Variants in MSRA observed in about 807,000 individuals in gnomAD.
MSRA encodes methionine sulfoxide reductase A, also known as mitochondrial peptide methionine sulfoxide reductase.
In MSRA, 54 loss-of-function variants were observed where a neutral mutation model predicts 31.3. The observed-to-expected ratio is 1.73, with a 90% confidence interval of 1.39 to 2.17. MSRA has a LOEUF of 2.17. Among genes scored for constraint, MSRA ranks in the 30% most tolerant of loss-of-function variants. The probability of loss-of-function intolerance (pLI) is 0.00; values close to 1 mark genes in which losing one functional copy is unlikely to be tolerated. For missense variants in MSRA, 507 were observed against 300.9 expected, an observed-to-expected ratio of 1.69 and a Z score of -5.07; for synonymous variants, 169 against 116.5, an observed-to-expected ratio of 1.45 and a Z score of -2.90.
intron 5 of MSRA, among the ~76,000 whole-genome samples, chr8:10,404,682 C>G (rs565562360): frequency 6.6e-6 from 1 of 152,246 alleles, no homozygotes; most frequent in South Asian, 2.1e-4. Flanking sequence ...GATGTGTACA[C>G]AAACACAGCC....
intron 1 of MSRA, among the ~76,000 whole-genome samples, chr8:10,121,123 G>A (rs1167593495): frequency 6.6e-6 from 1 of 152,212 alleles, no homozygotes; most frequent in Non-Finnish European, 1.5e-5. Context: ...AAAGCTGGCA[G>A]TAAGGATGAT....
At chr8:10,091,746 A>G (rs1798868299) in intron 1 of MSRA, among the ~76,000 whole-genome samples, 1 of 151,894 alleles carries the variant, frequency 6.6e-6, no homozygotes, top group African/African-American at 2.4e-5. Context: ...AGCTGGGATT[A>G]AAGATGCGTG....
Position 10,118,737 on chromosome 8 carries a change from A to G in MSRA, c.142+64079A>G, listed in dbSNP as rs534839609. Reference sequence around the variant, plus strand: ...TGGCCTCATCTTCAACAGCTGGTGGACTTCTACACGTCCCTCAAAACCAGC... The same window carrying G: ...TGGCCTCATCTTCAACAGCTGGTGGGCTTCTACACGTCCCTCAAAACCAGC... On this transcript the variant is annotated intron_variant, in intron 1 of 5. Coordinates refer to ENST00000317173, the MANE Select transcript of MSRA (RefSeq NM_012331.5). Among the ~76,000 whole-genome samples, 9 of 152,232 alleles carry G rather than the reference A, an allele frequency of 5.9e-5. No homozygotes were observed. In the South Asian group the frequency reaches 1.9e-3, roughly 32 times the overall value.
intron 2 of MSRA, among the ~76,000 whole-genome samples, chr8:10,214,516 G>T (rs778745076): frequency 6.6e-6 from 1 of 152,020 alleles, no homozygotes; most frequent in African/African-American, 2.4e-5. Context: ...GCATGATGTT[G>T]GTAAATAACC....
At chr8:10,395,780 G>T (rs182903257) in intron 5 of MSRA, among the ~76,000 whole-genome samples, 18 of 152,140 alleles carry the variant, frequency 1.2e-4, no homozygotes, top group Non-Finnish European at 2.2e-4. Context: ...TGAAACCTGC[G>T]TACGTCCTCA....
At chr8:10,130,104 G>C (rs1203212268) in intron 1 of MSRA, among the ~76,000 whole-genome samples, 2 of 152,196 alleles carry the variant, frequency 1.3e-5, no homozygotes, top group Non-Finnish European at 2.9e-5. Context: ...GACTGGGAGT[G>C]CTATTGGATG....
intron 5 of MSRA, among the ~76,000 whole-genome samples, chr8:10,410,127 A>T (rs1039207332): frequency 6.6e-6 from 1 of 152,238 alleles, no homozygotes; most frequent in African/African-American, 2.4e-5. Context: ...GCCTGGGTCC[A>T]GGATCTTCCC....
intron 5 of MSRA, among the ~76,000 whole-genome samples, chr8:10,321,413 C>T (rs959671700): frequency 6.6e-5 from 10 of 152,128 alleles, no homozygotes; most frequent in South Asian, 4.2e-4. Context: ...AAGGTCAGTT[C>T]GACTATGATG....
chr8:10,196,362 C>T (rs748167745), intron 1 of MSRA, among the ~76,000 whole-genome samples: 14 of 152,070 alleles, frequency 9.2e-5, no homozygotes, highest in Non-Finnish European at 1.6e-4. Context: ...GCAAGTTCCT[C>T]GGTGGGCCTT....
intron 1 of MSRA, among the ~76,000 whole-genome samples, chr8:10,186,129 G>C (rs1159480129): frequency 6.6e-6 from 1 of 152,170 alleles, no homozygotes; most frequent in Admixed American, 6.5e-5. Flanking sequence ...TTGGCCTTCT[G>C]TGCTCCTGGC....
chr8:10,141,421 C>G (rs1802695142), intron 1 of MSRA, among the ~76,000 whole-genome samples: 1 of 152,186 alleles, frequency 6.6e-6, no homozygotes, highest in Admixed American at 6.5e-5. Context: ...AAGGAAAACG[C>G]ACTCCAATGC....
At chr8:10,237,423 C>G (rs778496935) in intron 2 of MSRA, among the ~76,000 whole-genome samples, 2 of 152,226 alleles carry the variant, frequency 1.3e-5, no homozygotes, top group Non-Finnish European at 2.9e-5. Flanking sequence ...TACAAATAAA[C>G]TTGTGTGTCC....
At chr8:10,370,683 A>T (rs1242234858) in intron 5 of MSRA, among the ~76,000 whole-genome samples, 2 of 152,064 alleles carry the variant, frequency 1.3e-5, no homozygotes, top group East Asian at 3.9e-4. Context: ...TGTACTTGCC[A>T]CCTCCAGGCC....
chr8:10,219,406 T>C (rs774715633), intron 2 of MSRA, among the ~76,000 whole-genome samples: 13 of 152,236 alleles, frequency 8.5e-5, no homozygotes, highest in Non-Finnish European at 1.8e-4. Context: ...GACCCACTTC[T>C]TTTTTAATCT....
chr8:10,394,089 G>A (rs769496880), intron 5 of MSRA, among the ~76,000 whole-genome samples: 8 of 152,150 alleles, frequency 5.3e-5, no homozygotes, highest in Non-Finnish European at 7.3e-5. Flanking sequence ...TGAGCTAGAC[G>A]GCATCTGCGT....
intron 5 of MSRA, among the ~76,000 whole-genome samples, chr8:10,396,064 A>G (rs1415033476): frequency 6.6e-6 from 1 of 152,012 alleles, no homozygotes; most frequent in East Asian, 1.9e-4. Context: ...CCCTTCCCAC[A>G]AGGGCCCTTA....
At chr8:10,376,439 G>T (rs1057120871) in intron 5 of MSRA, among the ~76,000 whole-genome samples, 4 of 152,208 alleles carry the variant, frequency 2.6e-5, no homozygotes, top group Non-Finnish European at 5.9e-5. Context: ...GGGCTCTGCT[G>T]TGATATTATC....
At chr8:10,204,881 A>G (rs1808812717) in intron 1 of MSRA, among the ~76,000 whole-genome samples, 1 of 152,244 alleles carries the variant, frequency 6.6e-6, no homozygotes, top group South Asian at 2.1e-4. Flanking sequence ...TCAGAGAGCT[A>G]CGACCCCTGC....
intron 2 of MSRA, among the ~76,000 whole-genome samples, chr8:10,218,923 G>A (rs557831938): frequency 6.6e-6 from 1 of 152,190 alleles, no homozygotes; most frequent in South Asian, 2.1e-4. Flanking sequence ...ACTGTCAGGT[G>A]GCAGAAGGCA....
Sources: allele counts gnomAD v4.1 joint callset (sites outside exome capture counted in the v4.1 genomes callset), GRCh38; gene constraint gnomAD v4.1.1; transcripts MANE v1.5; gene names NCBI Gene and HGNC (gene_info 2026-07-23, HGNC 2026-07-21).